SHISA6: variants seen among roughly 807,000 people sequenced by gnomAD.
The protein encoded by SHISA6 is protein shisa-6.
SHISA6 carries 22 observed loss-of-function variants against 47.9 expected under a neutral mutation model. That is an observed-to-expected ratio of 0.46 (90% CI 0.33 to 0.66). SHISA6 has a LOEUF of 0.66. SHISA6 is among the 30% of genes least tolerant of loss of function. The pLI is 0.02. For missense variants in SHISA6, 680 were observed against 764.6 expected, an observed-to-expected ratio of 0.89 and a Z score of 1.30; for synonymous variants, 388 against 337.8, an observed-to-expected ratio of 1.15 and a Z score of -1.63.
At chr17:11,427,254 C>T (rs1914633832) in intron 3 of SHISA6, among the ~76,000 whole-genome samples, 1 of 152,142 alleles carries the variant, frequency 6.6e-6, no homozygotes. Context: ...CTGCCTTAGC[C>T]TCCAGAGTAG....
intron 3 of SHISA6, among the ~76,000 whole-genome samples, chr17:11,531,558 G>C (rs2071733545): frequency 6.6e-6 from 1 of 152,128 alleles, no homozygotes; most frequent in Non-Finnish European, 1.5e-5. Context: ...CCATGCCTTA[G>C]TTTTCTCACC....
At chr17:11,548,251 G>A (rs2071899046) in intron 3 of SHISA6, among the ~76,000 whole-genome samples, 4 of 152,104 alleles carry the variant, frequency 2.6e-5, no homozygotes, top group Admixed American at 6.5e-5. Flanking sequence ...AGGACCCCCC[G>A]AAAAGACACT....
At chr17:11,272,296 G>A (rs965248456) in intron 2 of SHISA6, among the ~76,000 whole-genome samples, 1 of 152,004 alleles carries the variant, frequency 6.6e-6, no homozygotes. Flanking sequence ...TTCTCTTTTC[G>A]TTCACTTTCC....
chr17:11,475,562 G>C (rs1478840137), intron 3 of SHISA6, among the ~76,000 whole-genome samples: 2 of 152,024 alleles, frequency 1.3e-5, no homozygotes, highest in African/African-American at 2.4e-5. Context: ...TTTTTAGCCT[G>C]TTGATGTGAT....
In SHISA6 at chr17:11,481,336, A is replaced by ATGTG. The variant is rs3038693; in HGVS notation, c.896-70532_896-70529dup. Among the ~76,000 whole-genome samples, 268 of 141,492 alleles carry ATGTG rather than the reference A, an allele frequency of 1.9e-3. 3 individuals carry two copies. Among genetic ancestry groups the ATGTG allele is most frequent in the South Asian group, 4.3e-3 (19 of 4,416 alleles). 92.8% of individuals were successfully genotyped at this position (141,492 alleles called of 152,430 possible). A position where few individuals can be genotyped will look rare whatever the true frequency, so the allele number is the denominator to read the frequency against. ...CGAGACACCCTCTCAAAAAATATAT[A>ATGTG]TGTGTGTGTGTGTGTGTGTGTGTGT... On this transcript the variant is annotated intron_variant, in intron 3 of 5. Transcript: ENST00000441885.
chr17:11,290,849 G>A (rs952459597), intron 2 of SHISA6: 1 of 151,918 alleles, frequency 6.6e-6, no homozygotes, highest in African/African-American at 2.4e-5. Context: ...GATATGTGAG[G>A]GTTTATGGGA....
chr17:11,315,650 G>A (rs998525953), intron 2 of SHISA6, among the ~76,000 whole-genome samples: 16 of 152,024 alleles, frequency 1.1e-4, no homozygotes, highest in Non-Finnish European at 1.6e-4. Context: ...ATGATCATAC[G>A]ATATTTCTTT....
intron 2 of SHISA6, among the ~76,000 whole-genome samples, chr17:11,309,073 T>G (rs976331525): frequency 2.0e-5 from 3 of 152,102 alleles, no homozygotes; most frequent in Admixed American, 6.6e-5. Context: ...CAAGCAATCC[T>G]CCTCCCTCAG....
chr17:11,546,390 C>G (rs959484339), intron 3 of SHISA6, among the ~76,000 whole-genome samples: 4 of 152,080 alleles, frequency 2.6e-5, no homozygotes, highest in African/African-American at 4.8e-5. Flanking sequence ...GAAGAAAGGA[C>G]CATTCTATGA....
Position 11,400,856 on chromosome 17 carries a change from C to T in SHISA6, c.895+21347C>T, listed in dbSNP as rs541972220. Among the ~76,000 whole-genome samples the T allele has an allele frequency of 1.5e-3, 230 of 152,338 alleles. 1 individual carries two copies. Among genetic ancestry groups the T allele is most frequent in the South Asian group, 2.7e-3 (13 of 4,830 alleles). ...TTTCACCGACTTGACTTTTCACTCA[C>T]TTACTTTACATACTACTCATACTTT... On this transcript the variant is annotated intron_variant, in intron 3 of 5. Coordinates refer to ENST00000441885, the MANE Select transcript of SHISA6 (RefSeq NM_207386.4).
chr17:11,496,004 T>TCCATCCAA, intron 3 of SHISA6, among the ~76,000 whole-genome samples: 1 of 151,388 alleles, frequency 6.6e-6, no homozygotes, highest in African/African-American at 2.4e-5. Context: ...CATCCATCCA[T>TCCATCCAA]CCATCCATCC....
At chr17:11,286,733 A>G (rs1361572891) in intron 2 of SHISA6, among the ~76,000 whole-genome samples, 1 of 152,216 alleles carries the variant, frequency 6.6e-6, no homozygotes, top group Non-Finnish European at 1.5e-5. Context: ...TTCAGACCTT[A>G]TAGGACCCCA....
chr17:11,346,121 C>T (rs1911693192), intron 2 of SHISA6, among the ~76,000 whole-genome samples: 1 of 151,974 alleles, frequency 6.6e-6, no homozygotes, highest in African/African-American at 2.4e-5. Flanking sequence ...AGGATGTTCC[C>T]ATCTGTCTCT....
At position 11,555,889 on chromosome 17, in the gene SHISA6, CTAAG is replaced by C. The variant is rs1271633725; in HGVS notation, c.1105+3_1105+6del. On this transcript the variant is annotated splice_donor_variant and coding_sequence_variant, in exon 5 of 6. Transcript: ENST00000441885. LOFTEE classifies it high-confidence loss of function. ...CAGCAAGTATTCATCTCTGAAGAGG[CTAAG>C]TAAGTTGAATTTCCCCCAAGTTGGG... 2 of 1,522,520 alleles carry C rather than the reference CTAAG, an allele frequency of 1.3e-6. No homozygotes were observed. The highest frequency in any genetic ancestry group is 1.8e-6 in the Non-Finnish European group (2 of 1,133,148). The allele number at this position is 1,522,520 out of a possible 1,614,324, so 94.3% of individuals were successfully genotyped here.
chr17:11,373,599 C>G lies in SHISA6; in HGVS notation c.800-5815C>G, dbSNP rs1413445554. ...TACTACATATGCACGCATCCTCAAA[C>G]AACATAATGTGTTATGTTGCATATT... On this transcript the variant is annotated intron_variant, in intron 2 of 5. Transcript: ENST00000441885. 2.6e-5 allele frequency among the ~76,000 whole-genome samples: 4 copies of G among 152,298 alleles called. No homozygotes were observed. The East Asian group carries it at 7.7e-4, about 29-fold the overall frequency.
intron 2 of SHISA6, among the ~76,000 whole-genome samples, chr17:11,359,926 G>T (rs1442859545): frequency 6.6e-6 from 1 of 152,148 alleles, no homozygotes; most frequent in Non-Finnish European, 1.5e-5. Context: ...CAAGGATCTA[G>T]AACCAAAAAT....
intron 1 of SHISA6, among the ~76,000 whole-genome samples, chr17:11,249,291 T>TGC (rs2142135275): frequency 6.6e-6 from 1 of 151,770 alleles, no homozygotes; most frequent in South Asian, 2.1e-4. Flanking sequence ...GCCGTGTGTG[T>TGC]GTGTGTGCGC....
At position 11,281,053 on chromosome 17, in the gene SHISA6, T is replaced by C. The variant is rs114916970; in HGVS notation, c.799+17527T>C. Among the ~76,000 whole-genome samples, 931 of 152,350 alleles carry C rather than the reference T, an allele frequency of 6.1e-3. 15 individuals carry two copies. Among genetic ancestry groups the C allele is most frequent in the African/African-American group, 0.021 (880 of 41,574 alleles). ...CAAACTTGCATAGTCCTATCAGTTT[T>C]ATTAGCTTTTTCATAGATTTTTAGA... On this transcript the variant is annotated intron_variant, in intron 2 of 5. Coordinates refer to ENST00000441885, the MANE Select transcript of SHISA6 (RefSeq NM_207386.4).
chr17:11,408,539 A>G (rs562524316), intron 3 of SHISA6, among the ~76,000 whole-genome samples: 1 of 152,378 alleles, frequency 6.6e-6, no homozygotes, highest in African/African-American at 2.4e-5. Flanking sequence ...CAGAGGATAC[A>G]TCATTTAAGT....
Sources: gnomAD v4.1 joint callset for allele counts (sites outside exome capture counted in the v4.1 genomes callset) on GRCh38, gnomAD v4.1.1 for gene constraint, MANE v1.5 for transcripts, NCBI Gene and HGNC (gene_info 2026-07-23, HGNC 2026-07-21) for gene names.